Variants in SPMIP7 observed in about 807,000 individuals in gnomAD.
SPMIP7 encodes the protein sperm microtubule inner protein 7.
chr7:50,110,065 G>A, the SPMIP7 span, among the ~76,000 whole-genome samples: 8 of 152,024 alleles, frequency 5.3e-5, no homozygotes, highest in Non-Finnish European at 8.8e-5. Context: ...CAATTCTGCT[G>A]TAGTCAATTT....
At chr7:50,128,210 A>G in the SPMIP7 span, among the ~76,000 whole-genome samples, 1 of 151,992 alleles carries the variant, frequency 6.6e-6, no homozygotes, top group African/African-American at 2.4e-5. Flanking sequence ...AAATAAGCCA[A>G]CTACATAAGA....
the SPMIP7 span, among the ~76,000 whole-genome samples, chr7:50,109,712 A>T: frequency 6.6e-6 from 1 of 152,150 alleles, no homozygotes; most frequent in South Asian, 2.1e-4. Context: ...TTTGGTTACT[A>T]GGGTCAAAAT....
the SPMIP7 span, among the ~76,000 whole-genome samples, chr7:50,132,539 A>T: frequency 6.6e-6 from 1 of 152,146 alleles, no homozygotes; most frequent in African/African-American, 2.4e-5. Context: ...TATTACCTTC[A>T]TGGAAAATTC....
the SPMIP7 span, among the ~76,000 whole-genome samples, chr7:50,114,007 C>A: frequency 2.0e-5 from 3 of 151,912 alleles, no homozygotes; most frequent in Non-Finnish European, 4.4e-5. Flanking sequence ...AAAATAAATG[C>A]ACATATTTTA....
the SPMIP7 span, among the ~76,000 whole-genome samples, chr7:50,147,121 TA>T: frequency 6.6e-6 from 1 of 152,342 alleles, no homozygotes; most frequent in African/African-American, 2.4e-5. Flanking sequence ...TTTTTTAAAT[TA>T]AAAGTATTAG....
the SPMIP7 span, among the ~76,000 whole-genome samples, chr7:50,125,259 TACAC>T: frequency 3.6e-5 from 3 of 82,706 alleles, no homozygotes; most frequent in East Asian, 7.2e-4. Context: ...CACATATATA[TACAC>T]ACATATATAT....
chr7:50,111,147 G>C, the SPMIP7 span, among the ~76,000 whole-genome samples: 1 of 148,854 alleles, frequency 6.7e-6, no homozygotes, highest in South Asian at 2.1e-4. Flanking sequence ...TATTGAAATG[G>C]TGTCATTGTC....
the SPMIP7 span, among the ~76,000 whole-genome samples, chr7:50,126,156 G>C: frequency 2.6e-5 from 4 of 151,890 alleles, no homozygotes; most frequent in Non-Finnish European, 5.9e-5. Flanking sequence ...AGCTTTGAAA[G>C]AATTAATGAA....
the SPMIP7 span, chr7:50,096,658 C>T: frequency 6.7e-7 from 1 of 1,487,526 alleles, no homozygotes; most frequent in South Asian, 1.4e-5. Context: ...GTGACATGAA[C>T]TTTCTATTTT....
At chr7:50,143,683 T>C in the SPMIP7 span, among the ~76,000 whole-genome samples, 1 of 152,236 alleles carries the variant, frequency 6.6e-6, no homozygotes, top group Admixed American at 6.5e-5. Context: ...TTTATTTTTA[T>C]TGTAGAACTG....
the SPMIP7 span, among the ~76,000 whole-genome samples, chr7:50,131,060 T>C: frequency 2.6e-4 from 40 of 152,208 alleles, no homozygotes; most frequent in African/African-American, 8.2e-4. Flanking sequence ...AAGAAGGTAA[T>C]AATCATGGTG....
At chr7:50,157,832 T>C in the SPMIP7 span, among the ~76,000 whole-genome samples, 1 of 152,156 alleles carries the variant, frequency 6.6e-6, no homozygotes, top group African/African-American at 2.4e-5. Context: ...ATAGGGAGTT[T>C]GGGAATGCCA....
At chr7:50,143,257 C>T in the SPMIP7 span, among the ~76,000 whole-genome samples, 1 of 150,778 alleles carries the variant, frequency 6.6e-6, no homozygotes, top group Admixed American at 6.6e-5. Context: ...CTCTGCCTCC[C>T]GGGTTCAAGT....
chr7:50,149,267 A>T, the SPMIP7 span, among the ~76,000 whole-genome samples: 3 of 139,942 alleles, frequency 2.1e-5, no homozygotes, highest in Non-Finnish European at 5.1e-5. Context: ...TCTGTACTGG[A>T]TAAACTTTGC....
the SPMIP7 span, among the ~76,000 whole-genome samples, chr7:50,139,881 C>G: frequency 5.3e-5 from 8 of 152,156 alleles, no homozygotes; most frequent in African/African-American, 1.9e-4. Flanking sequence ...ACACAACACA[C>G]AACAATATAA....
At chr7:50,107,305 G>A in the SPMIP7 span, among the ~76,000 whole-genome samples, 2,242 of 136,162 alleles carry the variant, frequency 0.016, 47 homozygotes, top group African/African-American at 0.057. Flanking sequence ...GCAGTGAGCC[G>A]AGATAGCACC....
the SPMIP7 span, among the ~76,000 whole-genome samples, chr7:50,152,833 T>C: frequency 1.3e-5 from 2 of 152,064 alleles, no homozygotes; most frequent in African/African-American, 2.4e-5. Context: ...ATTACAGCCG[T>C]GCACTATCAC....
the SPMIP7 span, among the ~76,000 whole-genome samples, chr7:50,110,695 C>T: frequency 1.6e-4 from 20 of 121,442 alleles, no homozygotes; most frequent in Admixed American, 2.0e-3. Flanking sequence ...ATTATATATA[C>T]ATATTATTAT....
At chr7:50,130,561 G>GTAT in the SPMIP7 span, among the ~76,000 whole-genome samples, 2 of 151,928 alleles carry the variant, frequency 1.3e-5, no homozygotes, top group Non-Finnish European at 2.9e-5. Context: ...ATATCAAAAG[G>GTAT]GAAACAGACA....
Sources: gnomAD v4.1 joint callset for allele counts (sites outside exome capture counted in the v4.1 genomes callset) on GRCh38, gnomAD v4.1.1 for gene constraint, MANE v1.5 for transcripts, NCBI Gene and HGNC (gene_info 2026-07-23, HGNC 2026-07-21) for gene names.